RSF1: variants seen among roughly 807,000 people sequenced by gnomAD.
The protein encoded by RSF1 is remodeling and spacing factor 1, also known as HBV pX-associated protein 8.
In RSF1, 13 loss-of-function variants were observed where a neutral mutation model predicts 145.2. The observed-to-expected ratio is 0.09, with a 90% confidence interval of 0.06 to 0.14. The LOEUF (loss-of-function observed/expected upper bound fraction) is 0.14, where lower values mean the gene tolerates loss of function less well. Ranked by LOEUF, RSF1 falls within the 10% of genes least tolerant of loss-of-function variation. The pLI is 1.00. For synonymous variants in RSF1, 577 were observed against 592.6 expected (o/e 0.97, Z 0.38); for missense variants, 1,517 against 1,718.2 (o/e 0.88, Z 2.07).
Position 77,667,355 on chromosome 11 carries a change from G to C in RSF1, c.3888C>G (p.Ser1296=). 2 of 1,613,860 alleles carry C rather than the reference G, an allele frequency of 1.2e-6. No individual in the cohort carries two copies. The highest frequency in any genetic ancestry group is 1.7e-6 in the Non-Finnish European group (2 of 1,179,906). ...EEEEEEEGKP[S]RKRLHRIETD... is the part of the protein sequence containing the mutation. Reference sequence around the variant, plus strand: ...TCTCAATCCGGTGTAGCCGTTTGCGGGATGGTTTGCCTTCCTCTTCCTCCT... The same window carrying C: ...TCTCAATCCGGTGTAGCCGTTTGCGCGATGGTTTGCCTTCCTCTTCCTCCT... The change falls in exon 16 of 16, where the codon TCC becomes TCG. Residue 1296 remains serine, a synonymous_variant. Transcript: ENST00000308488.
chr11:77,828,528 G>A, the RSF1 span, among the ~76,000 whole-genome samples: 11 of 151,772 alleles, frequency 7.2e-5, no homozygotes, highest in East Asian at 5.8e-4. Flanking sequence ...AAAATTAGCC[G>A]GGTGGGGTAG....
chr11:77,788,170 A>AAAAAAAAAG (rs1948478237), intron 1 of RSF1, among the ~76,000 whole-genome samples: 1 of 138,162 alleles, frequency 7.2e-6, no homozygotes, highest in Non-Finnish European at 1.5e-5. Context: ...AAAAAAAAAA[A>AAAAAAAAAG]AAAAAAATTA....
intron 1 of RSF1, among the ~76,000 whole-genome samples, chr11:77,810,773 G>A (rs899513389): frequency 7.2e-5 from 11 of 152,090 alleles, no homozygotes; most frequent in Non-Finnish European, 1.3e-4. Flanking sequence ...TGGCGAGGCT[G>A]GAAATTTGTA....
the RSF1 span, chr11:77,872,201 C>G: frequency 2.5e-6 from 4 of 1,613,642 alleles, no homozygotes; most frequent in Non-Finnish European, 3.4e-6. Context: ...TGGAGTACCT[C>G]AAGAAACATG....
the RSF1 span, chr11:77,832,026 T>A: frequency 6.6e-6 from 1 of 151,850 alleles, no homozygotes; most frequent in Non-Finnish European, 1.5e-5. Context: ...TCTTTTTAAA[T>A]CTTGTATGAA....
At chr11:77,774,296 C>T (rs1383702765) in intron 1 of RSF1, among the ~76,000 whole-genome samples, 1 of 152,136 alleles carries the variant, frequency 6.6e-6, no homozygotes, top group African/African-American at 2.4e-5. Context: ...AATATTTCTG[C>T]AGACAGCTAG....
chr11:77,675,072 C>G lies in RSF1; in HGVS notation c.3526G>C (p.Glu1176Gln). Residue 1176 changes from glutamate (E) to glutamine (Q), a missense_variant, in exon 14 of 16, where the codon GAA becomes CAA. Transcript: ENST00000308488. Reference protein sequence around the residue: ...TPKKKYSDDDEEEESEENSRD... With the variant: ...TPKKKYSDDDQEEESEENSRD... ...CTATTCTCCTCAGATTCCTCCTCTT[C>G]ATCATCATCGGAATATTTTTTCTTT... 3 of 1,613,742 alleles carry G rather than the reference C, an allele frequency of 1.9e-6. No individual in the cohort carries two copies. The highest frequency in any genetic ancestry group is 2.5e-6 in the Non-Finnish European group (3 of 1,179,842).
At chr11:77,857,694 A>C in the RSF1 span, among the ~76,000 whole-genome samples, 1 of 151,276 alleles carries the variant, frequency 6.6e-6, no homozygotes, top group African/African-American at 2.4e-5. Flanking sequence ...CCCATCAACT[A>C]AGTTGTTTTT....
At chr11:77,697,435 A>C (rs945633191) in intron 7 of RSF1, among the ~76,000 whole-genome samples, 3 of 142,336 alleles carry the variant, frequency 2.1e-5, no homozygotes, top group African/African-American at 7.8e-5. Context: ...TGAACTGCAA[A>C]TTATATATAT....
chr11:77,832,949 ATATGTGTGTGTGTGTGTG>A, the RSF1 span, among the ~76,000 whole-genome samples: 11 of 96,310 alleles, frequency 1.1e-4, no homozygotes, highest in South Asian at 3.2e-4. Context: ...TTGTATATAT[ATATGTGTGTGTGTGTGTG>A]TGTGTGTGTG....
At chr11:77,697,579 T>G (rs1392629365) in intron 7 of RSF1, among the ~76,000 whole-genome samples, 1 of 147,224 alleles carries the variant, frequency 6.8e-6, no homozygotes, top group African/African-American at 2.5e-5. Context: ...ATTCTCCTGA[T>G]TCAGGCAACC....
chr11:77,820,817 T>A, upstream of RSF1: 1 of 1,197,074 alleles, frequency 8.4e-7, no homozygotes, highest in Non-Finnish European at 1.1e-6. Context: ...CGCTCTCAAG[T>A]GGGCTCCTCT....
chr11:77,713,363 T>C (rs1960730788), intron 5 of RSF1, among the ~76,000 whole-genome samples: 1 of 152,180 alleles, frequency 6.6e-6, no homozygotes, highest in Non-Finnish European at 1.5e-5. Flanking sequence ...GTCTCTCAAA[T>C]ACATTATGGC....
the RSF1 span, among the ~76,000 whole-genome samples, chr11:77,835,525 C>G: frequency 6.6e-6 from 1 of 152,128 alleles, no homozygotes; most frequent in Non-Finnish European, 1.5e-5. Flanking sequence ...CGTTGATACT[C>G]CCAAAAAAGC....
intron 4 of RSF1, among the ~76,000 whole-genome samples, chr11:77,737,787 T>C (rs187684447): frequency 2.0e-5 from 3 of 152,232 alleles, no homozygotes; most frequent in Non-Finnish European, 2.9e-5. Flanking sequence ...AATATTTCTT[T>C]AGTGAATAAA....
rs1419705313 is a variant in RSF1 at position 77,685,984 on chromosome 11, C to A, written c.2901-825G>T. 3.3e-5 allele frequency among the ~76,000 whole-genome samples: 5 copies of A among 152,114 alleles called. No homozygotes were observed. The East Asian group carries it at 7.7e-4, about 23-fold the overall frequency. ...GCTGTTGAAAGAGAAAAAAGCAATG[C>A]AGACGTATAGCTCTGTGCTCTAGAA... is the stretch of plus-strand genomic sequence containing the variant. On this transcript the variant is annotated intron_variant, in intron 9 of 15. Transcript: ENST00000308488.
At chr11:77,861,072 ATCCTT>A in the RSF1 span, among the ~76,000 whole-genome samples, 1 of 152,082 alleles carries the variant, frequency 6.6e-6, no homozygotes, top group African/African-American at 2.4e-5. Context: ...AGGAGGCAGA[ATCCTT>A]TAATTTAATT....
intron 1 of RSF1, among the ~76,000 whole-genome samples, chr11:77,791,929 C>T (rs1948521559): frequency 6.6e-6 from 1 of 152,186 alleles, no homozygotes; most frequent in South Asian, 2.1e-4. Context: ...TTACCCAGTT[C>T]CAAAGTCGTT....
intron 2 of RSF1, among the ~76,000 whole-genome samples, chr11:77,748,229 CTTTTTTT>C (rs1351360671): frequency 8.2e-6 from 1 of 121,334 alleles, no homozygotes; most frequent in Non-Finnish European, 1.8e-5. Flanking sequence ...TTTTTTTTTT[CTTTTTTT>C]TTTTTTGGAG....
Sources: gnomAD v4.1 joint callset for allele counts (sites outside exome capture counted in the v4.1 genomes callset) on GRCh38, gnomAD v4.1.1 for gene constraint, MANE v1.5 for transcripts, NCBI Gene and HGNC (gene_info 2026-07-23, HGNC 2026-07-21) for gene names.